Variants in MFSD2B observed in about 807,000 individuals in gnomAD.
MFSD2B encodes the protein sphingosine-1-phosphate transporter MFSD2B.
Under a neutral mutation model 58.4 loss-of-function variants are expected in MFSD2B, and 56 were observed. The observed-to-expected ratio is 0.96, with a 90% CI of 0.77 to 1.20. MFSD2B has a LOEUF of 1.20. Among genes scored for constraint, MFSD2B ranks in the 50% most tolerant of loss-of-function variants. The probability of loss-of-function intolerance (pLI) is 0.00; values close to 1 mark genes in which losing one functional copy is unlikely to be tolerated. For missense variants in MFSD2B, 645 were observed against 667.6 expected, an observed-to-expected ratio of 0.97 and a Z score of 0.37; for synonymous variants, 287 against 294.4, an observed-to-expected ratio of 0.97 and a Z score of 0.26.
Position 24,016,170 on chromosome 2 carries a change from G to A in MFSD2B, c.237G>A (p.Gln79=), listed in dbSNP as rs375879386. Residue 79 remains glutamine (Q), a synonymous_variant, in exon 3 of 14, where the codon CAG becomes CAA. Transcript: ENST00000338315. Reference sequence around the variant, plus strand: ...GTCTGTTTCAGATCCCTGCCGCCCAGGTGTCACTTGTTCTGTTTGGGGGAA... The same window carrying A: ...GTCTGTTTCAGATCCCTGCCGCCCAAGTGTCACTTGTTCTGTTTGGGGGAA... ...LLDIAQIPAA[Q]VSLVLFGGKV... is the part of the protein sequence containing the mutation. 3.1e-6 allele frequency: 5 copies of A among 1,613,606 alleles called. No homozygotes were observed. Among genetic ancestry groups the A allele is most frequent in the Non-Finnish European group, 4.2e-6 (5 of 1,179,888 alleles).
At chr2:24,011,158 G>C (rs1013593799) in intron 1 of MFSD2B, among the ~76,000 whole-genome samples, 1 of 152,198 alleles carries the variant, frequency 6.6e-6, no homozygotes, top group Non-Finnish European at 1.5e-5. Flanking sequence ...GCCCGGAGCC[G>C]CCCCTCCCAA....
chr2:24,018,352 C>T lies in MFSD2B; in HGVS notation c.681+764C>T, dbSNP rs1267299797. On this transcript the variant is annotated intron_variant, in intron 6 of 13. Transcript: ENST00000338315. ...TGCCTCCGCCTCTTACACGGCATCCCATCCTTGCCTTCTGCCACCTCCCTG... is the reference window on the plus strand; with the variant it reads ...TGCCTCCGCCTCTTACACGGCATCCTATCCTTGCCTTCTGCCACCTCCCTG... The T allele has an allele frequency of 1.7e-5, 3 of 174,800 alleles. No homozygotes were observed. In the East Asian group the frequency reaches 3.0e-4, roughly 18 times the overall value. 10.8% of individuals were successfully genotyped at this position (174,800 alleles called of 1,614,324 possible). A position where few individuals can be genotyped will look rare whatever the true frequency, so the allele number is the denominator to read the frequency against.
intron 6 of MFSD2B, chr2:24,018,300 C>G: frequency 5.9e-6 from 1 of 170,054 alleles, no homozygotes; most frequent in Non-Finnish European, 1.3e-5. Context: ...GCCCGTGCCA[C>G]TACCTCCCTC....
rs1008386264 is a variant in MFSD2B at position 24,022,386 on chromosome 2, G to C, written c.895-47G>C. On this transcript the variant is annotated intron_variant, in intron 8 of 13. Transcript: ENST00000338315. This position sits in a 1 kb window ranked among gnomAD's most constrained non-coding sequence, Gnocchi z 4.5. ...CCCTGTCCTTGCCCTTGACTTCTGA[G>C]CTCCTGCCATGCCCTGCACATACCC... 27 of 1,504,842 alleles carry C rather than the reference G, an allele frequency of 1.8e-5. 1 individual carries two copies. The African/African-American group carries it at 2.8e-4, about 15-fold the overall frequency. The allele number at this position is 1,504,842 out of a possible 1,614,324, so 93.2% of individuals were successfully genotyped here.
intron 13 of MFSD2B, 86 bp from the exon 14 acceptor site, chr2:24,025,346 C>A: frequency 7.9e-7 from 1 of 1,269,608 alleles, no homozygotes; most frequent in Non-Finnish European, 1.1e-6. Flanking sequence ...AAGGAGCAGC[C>A]ACCAAACCTT....
rs781637968 is a variant in MFSD2B, at chr2:24,013,337, G to C, written c.149G>C (p.Gly50Ala). The C allele has an allele frequency of 5.0e-6, 8 of 1,612,218 alleles. No individual in the cohort carries two copies. The highest frequency in any genetic ancestry group is 2.2e-5 in the East Asian group (1 of 44,870). ...TGTACAAAGGTGTGCTATGGCATTGGTGGGGTCCCCAACCAGATAGCCTCC... is the reference window on the plus strand; with the variant it reads ...TGTACAAAGGTGTGCTATGGCATTGCTGGGGTCCCCAACCAGATAGCCTCC... ...SFCTKVCYGI[G>A]GVPNQIASSA... The change falls in exon 2 of 14, where the codon GGT (glycine) becomes GCT (alanine). Residue 50 changes from glycine to alanine, a missense_variant. By Grantham distance (60) the Gly-to-Ala change is moderately conservative (BLOSUM62 0). Transcript: ENST00000338315.
In MFSD2B at chr2:24,017,670, G is replaced by A. The variant is rs781770506; in HGVS notation, c.681+82G>A. ...TCCTTCCTCTAGGGCTGGTTCTCCC[G>A]TCCACACCACTTTGTTGTCTTTTAG... On this transcript the variant is annotated intron_variant, in intron 6 of 13. Coordinates refer to ENST00000338315, the MANE Select transcript of MFSD2B (RefSeq NM_001346880.2). This position sits in a 1 kb window ranked among gnomAD's most constrained non-coding sequence, Gnocchi z 4.8. 160 of 1,403,122 alleles carry A rather than the reference G, an allele frequency of 1.1e-4. No individual in the cohort carries two copies. The highest frequency in any genetic ancestry group is 3.3e-4 in the East Asian group (13 of 39,730). The allele number at this position is 1,403,122 out of a possible 1,614,324, so 86.9% of individuals were successfully genotyped here.
intron 1 of MFSD2B, among the ~76,000 whole-genome samples, chr2:24,010,882 C>T (rs1708930377): frequency 6.6e-6 from 1 of 151,808 alleles, no homozygotes; most frequent in African/African-American, 2.4e-5. Flanking sequence ...TTCAGGGCTT[C>T]CTACGAGGCA....
In MFSD2B at chr2:24,021,266, CT is replaced by C. The variant is rs1428643895; in HGVS notation, c.682-380del. ...TGTAACCACCTGCTCCTGGATCTGT[CT>C]TCCTCCCCACACTCTGAGCCCTGTG... is the stretch of plus-strand genomic sequence containing the variant. On this transcript the variant is annotated intron_variant, in intron 6 of 13. Coordinates refer to ENST00000338315, the MANE Select transcript of MFSD2B (RefSeq NM_001346880.2). The surrounding 1 kb of genome is among the most constrained non-coding windows in gnomAD (Gnocchi z 5.7). Among the ~76,000 whole-genome samples the C allele has an allele frequency of 6.6e-6, 1 of 152,224 alleles. No individual in the cohort carries two copies. Among genetic ancestry groups the C allele is most frequent in the African/African-American group, 2.4e-5 (1 of 41,454 alleles).
Position 24,021,733 on chromosome 2 carries a change from G to A in MFSD2B, c.767G>A (p.Arg256Gln), listed in dbSNP as rs115334231. ...TTACTGTGCCTAGGGGTGAAGGAGC[G>A]GCCAGGTATGGGGTTTGGTGAGGAG... The part of the protein sequence containing the change: ...ISLLCLGVKE[R>Q]PDPSAPASGP... The change falls in exon 7 of 14, where the codon CGG becomes CAG. Residue 256 changes from arginine to glutamine, a missense_variant. By Grantham distance (43) the Arg-to-Gln change is conservative (BLOSUM62 1). Transcript: ENST00000338315. This position sits in a 1 kb window ranked among gnomAD's most constrained non-coding sequence, Gnocchi z 5.7. 91,926 of 1,613,006 alleles carry A rather than the reference G, an allele frequency of 0.057. 2,988 individuals are homozygous for A. Among genetic ancestry groups the A allele is most frequent in the South Asian group, 0.089 (8,135 of 90,896 alleles).
rs996213869 is a variant in MFSD2B at position 24,020,839 on chromosome 2, T to G, written c.682-809T>G. 6.6e-6 allele frequency among the ~76,000 whole-genome samples: 1 copy of G among 152,160 alleles called. No homozygotes were observed. The highest frequency in any genetic ancestry group is 1.5e-5 in the Non-Finnish European group (1 of 68,022). On this transcript the variant is annotated intron_variant, in intron 6 of 13. Transcript: ENST00000338315. This position sits in a 1 kb window ranked among gnomAD's most constrained non-coding sequence, Gnocchi z 4.1. ...GCCTCAGCTTCCCAAAGAGCTGGAA[T>G]GACAGGCATGAGCCACCGTGCCTGT...
rs570665325 is a variant in MFSD2B, at chr2:24,024,210, A to G, written c.1429A>G (p.Met477Val). The G allele has an allele frequency of 1.1e-5, 18 of 1,613,296 alleles. No individual in the cohort carries two copies. Among genetic ancestry groups the G allele is most frequent in the South Asian group, 9.9e-5 (9 of 90,964 alleles). Residue 477 changes from methionine to valine, a missense_variant, in exon 13 of 14, where the codon ATG becomes GTG. By Grantham distance (21) the Met-to-Val change is conservative (BLOSUM62 1). Coordinates refer to ENST00000338315, the MANE Select transcript of MFSD2B (RefSeq NM_001346880.2). This position sits in a 1 kb window ranked among gnomAD's most constrained non-coding sequence, Gnocchi z 4.3. Reference protein sequence around the residue: ...CMILAGLCILMVGSTPKTPSR... With the variant: ...CMILAGLCILVVGSTPKTPSR... Reference sequence around the variant, plus strand: ...GATCCTTGCTGGGCTCTGCATCCTCATGGTCGGCTCCACTCCAAAGACACC... The same window carrying G: ...GATCCTTGCTGGGCTCTGCATCCTCGTGGTCGGCTCCACTCCAAAGACACC...
Position 24,025,793 on chromosome 2 carries a change from G to A in MFSD2B, c.*337G>A, listed in dbSNP as rs377605063. 21 of 266,850 alleles carry A rather than the reference G, an allele frequency of 7.9e-5. 1 individual carries two copies. In the Middle Eastern group the frequency reaches 3.4e-3, roughly 44 times the overall value. The allele number at this position is 266,850 out of a possible 1,614,324, so 16.5% of individuals were successfully genotyped here. On this transcript the variant is annotated 3_prime_UTR_variant, in exon 14 of 14. Transcript: ENST00000338315. The stretch of plus-strand genomic sequence containing the variant: ...ACCCATTCAAGAAAACGTTACAGCC[G>A]GCTCACTGCAAAATCCGCCTCCCGG...
Position 24,023,617 on chromosome 2 carries a change from C to G in MFSD2B, c.1204C>G (p.Leu402Val), listed in dbSNP as rs1662879656. ...MLPDVVDDFQLQHRHGPGLET... is the reference protein window; with the variant it reads ...MLPDVVDDFQVQHRHGPGLET... Reference sequence around the variant, plus strand: ...GCCAGACGTGGTGGATGACTTTCAGCTGCAGCACCGTCACGGGCCAGGCCT... The same window carrying G: ...GCCAGACGTGGTGGATGACTTTCAGGTGCAGCACCGTCACGGGCCAGGCCT... The change falls in exon 12 of 14, where the codon CTG (leucine) becomes GTG (valine). Residue 402 changes from leucine (L) to valine (V), a missense_variant. Physicochemically the swap from Leu to Val is conservative, Grantham distance 32. Transcript: ENST00000338315. This position sits in a 1 kb window ranked among gnomAD's most constrained non-coding sequence, Gnocchi z 5.0. 1.2e-6 allele frequency: 2 copies of G among 1,613,958 alleles called. No homozygotes were observed. Among genetic ancestry groups the G allele is most frequent in the African/African-American group, 2.7e-5 (2 of 75,056 alleles).
chr2:24,024,299 G>A lies in MFSD2B; in HGVS notation c.1490+28G>A, dbSNP rs1158232819. Reference sequence around the variant, plus strand: ...AAGCCCCGCACGCCCCCTGCAGCCAGCGAGGCACAGTGTGGGCTGCTGGGG... The same window carrying A: ...AAGCCCCGCACGCCCCCTGCAGCCAACGAGGCACAGTGTGGGCTGCTGGGG... On this transcript the variant is annotated intron_variant, in intron 13 of 13. Coordinates refer to ENST00000338315, the MANE Select transcript of MFSD2B (RefSeq NM_001346880.2). This position sits in a 1 kb window ranked among gnomAD's most constrained non-coding sequence, Gnocchi z 4.3. The A allele has an allele frequency of 6.4e-7, 1 of 1,570,170 alleles. No individual in the cohort carries two copies. Among genetic ancestry groups the A allele is most frequent in the Non-Finnish European group, 8.6e-7 (1 of 1,160,152 alleles).
At position 24,010,175 on chromosome 2, in the gene MFSD2B, G is replaced by A. The variant is rs779697710; in HGVS notation, c.79G>A (p.Ala27Thr). ...PHAPEPGPGS[A>T]KRGREDSRAG... ...CGCCCCAGAGCCCGGCCCGGGGAGC[G>A]CCAAGCGAGGGCGAGAGGTGAGCGG... Residue 27 changes from alanine (A) to threonine (T), a missense_variant, in exon 1 of 14, where the codon GCC (alanine) becomes ACC (threonine). Ala to Thr is a moderately conservative substitution (Grantham distance 58, BLOSUM62 0). Transcript: ENST00000338315. 1 of 1,435,918 alleles carries A rather than the reference G, an allele frequency of 7.0e-7. No homozygotes were observed. The highest frequency in any genetic ancestry group is 9.1e-7 in the Non-Finnish European group (1 of 1,100,050). 88.9% of individuals were successfully genotyped at this position (1,435,918 alleles called of 1,614,324 possible). A position where few individuals can be genotyped will look rare whatever the true frequency, so the allele number is the denominator to read the frequency against.
rs1433788178 is a variant in MFSD2B, at chr2:24,017,585, T to C, written c.678T>C (p.Asn226=). 30 of 1,551,872 alleles carry C rather than the reference T, an allele frequency of 1.9e-5. No individual in the cohort carries two copies. The highest frequency in any genetic ancestry group is 2.5e-5 in the Non-Finnish European group (29 of 1,148,118). Residue 226 remains asparagine, a synonymous_variant, in exon 6 of 14, where the codon AAT becomes AAC. Transcript: ENST00000338315. This position sits in a 1 kb window ranked among gnomAD's most constrained non-coding sequence, Gnocchi z 4.8. ...ATPGPVTVSP[N]AAHLYCIAAA... ...CGGGGCCAGTCACTGTCTCCCCGAATGCAGTAAGTGCACTGGGTGGCAAGG... is the reference window on the plus strand; with the variant it reads ...CGGGGCCAGTCACTGTCTCCCCGAACGCAGTAAGTGCACTGGGTGGCAAGG...
chr2:24,023,323 C>G lies in MFSD2B; in HGVS notation c.1169+84C>G. The G allele has an allele frequency of 8.3e-7, 1 of 1,206,024 alleles. No homozygotes were observed. Among genetic ancestry groups the G allele is most frequent in the Non-Finnish European group, 1.2e-6 (1 of 824,080 alleles). The allele number at this position is 1,206,024 out of a possible 1,614,324, so 74.7% of individuals were successfully genotyped here. Reference sequence around the variant, plus strand: ...AACCTGCCGTCCCAGGCCCCCTGCACCCAGCCTGTGCAGGAGATGGAGGCC... The same window carrying G: ...AACCTGCCGTCCCAGGCCCCCTGCAGCCAGCCTGTGCAGGAGATGGAGGCC... On this transcript the variant is annotated intron_variant, in intron 11 of 13. Coordinates refer to ENST00000338315, the MANE Select transcript of MFSD2B (RefSeq NM_001346880.2). This position sits in a 1 kb window ranked among gnomAD's most constrained non-coding sequence, Gnocchi z 5.0.
At chr2:24,018,879 C>G (rs1345205311) in intron 6 of MFSD2B, 1 of 117,568 alleles carries the variant, frequency 8.5e-6, no homozygotes, top group Non-Finnish European at 1.6e-5. Context: ...GAGACGGAAT[C>G]TCGATCTGTT....
Sources: gnomAD v4.1 joint callset for allele counts (sites outside exome capture counted in the v4.1 genomes callset) on GRCh38, gnomAD v4.1.1 for gene constraint, Gnocchi (gnomAD v3.1) non-coding constraint, MANE v1.5 for transcripts, NCBI Gene and HGNC (gene_info 2026-07-23, HGNC 2026-07-21) for gene names.